Variants in EIF4ENIF1 observed in about 807,000 individuals in gnomAD.
EIF4ENIF1 encodes eukaryotic translation initiation factor 4E nuclear import factor 1, also known as eukaryotic translation initiation factor 4E transporter.
EIF4ENIF1 carries 23 observed loss-of-function variants against 110.5 expected under a neutral mutation model. The ratio of observed to expected loss-of-function variants is 0.21; its 90% CI spans 0.15 to 0.29. The LOEUF (loss-of-function observed/expected upper bound fraction) is 0.29, where lower values mean the gene tolerates loss of function less well. Among genes scored for constraint, EIF4ENIF1 ranks in the 10% least tolerant of loss-of-function variants. The pLI is 1.00. For missense variants in EIF4ENIF1, 1,031 were observed against 1,221.1 expected, an observed-to-expected ratio of 0.84 and a Z score of 2.32; for synonymous variants, 440 against 437.0, an observed-to-expected ratio of 1.01 and a Z score of -0.09.
intron 3 of EIF4ENIF1, among the ~76,000 whole-genome samples, chr22:31,468,596 G>A (rs1440461765): frequency 6.6e-6 from 1 of 152,104 alleles, no homozygotes; most frequent in Admixed American, 6.6e-5. Flanking sequence ...GGTTTCACCA[G>A]TTGGCCAGGC....
chr22:31,447,099 T>C (rs569415088), intron 14 of EIF4ENIF1: 111 of 416,332 alleles, frequency 2.7e-4, no homozygotes, highest in Admixed American at 6.0e-4. Flanking sequence ...TTAAAATATA[T>C]TTACTCATAA....
chr22:31,450,814 A>G (rs562636694), intron 10 of EIF4ENIF1: 2 of 197,292 alleles, frequency 1.0e-5, no homozygotes, highest in African/African-American at 2.4e-5. Flanking sequence ...ACATACATAT[A>G]CACACATACA....
chr22:31,467,212 A>G lies in EIF4ENIF1; in HGVS notation c.298+963T>C, dbSNP rs552262931. Among the ~76,000 whole-genome samples the G allele has an allele frequency of 1.5e-4, 23 of 152,320 alleles. 1 individual carries two copies. The South Asian group carries it at 4.6e-3, about 30-fold the overall frequency. ...TCTGCATATCTTTAATGATTCTGCT[A>G]GAATAAATTCTTTGAGAGACATTAC... is the stretch of plus-strand genomic sequence containing the variant. On this transcript the variant is annotated intron_variant, in intron 4 of 18. Coordinates refer to ENST00000330125, the MANE Select transcript of EIF4ENIF1 (RefSeq NM_019843.4).
chr22:31,457,559 T>C (rs2050868602), intron 7 of EIF4ENIF1, among the ~76,000 whole-genome samples: 1 of 152,212 alleles, frequency 6.6e-6, no homozygotes, highest in Non-Finnish European at 1.5e-5. Context: ...GATGACAGAA[T>C]TAGTGACTGT....
At chr22:31,454,542 T>G in intron 9 of EIF4ENIF1, 166 bp from the exon 10 acceptor site, 1 of 632,176 alleles carries the variant, frequency 1.6e-6, no homozygotes, top group Non-Finnish European at 2.7e-6. Context: ...TAAAATCAAA[T>G]TGTGTACTAA....
chr22:31,449,259 C>T (rs183320908), intron 12 of EIF4ENIF1, 89 bp downstream of exon 12: 5 of 1,405,194 alleles, frequency 3.6e-6, no homozygotes, highest in East Asian at 2.3e-5. Context: ...ATCTGCCCAC[C>T]TCGGCCTCCC....
At chr22:31,468,703 A>G (rs531838732) in intron 3 of EIF4ENIF1, among the ~76,000 whole-genome samples, 2 of 152,270 alleles carry the variant, frequency 1.3e-5, no homozygotes, top group East Asian at 3.9e-4. Context: ...CCAGAAACCC[A>G]TTTCTAAAAT....
chr22:31,488,826 CTT>C (rs2052144853), intron 1 of EIF4ENIF1, 81 bp from the exon 2 acceptor site: 5 of 1,459,148 alleles, frequency 3.4e-6, no homozygotes, highest in Non-Finnish European at 4.5e-6. Context: ...GAAGCTGAAA[CTT>C]TTTAATCTCT....
At chr22:31,448,071 C>T (rs2050530952) in intron 13 of EIF4ENIF1, 82 bp downstream of exon 13, 2 of 1,500,160 alleles carry the variant, frequency 1.3e-6, no homozygotes, top group East Asian at 2.3e-5. Context: ...TTAAGAATCA[C>T]AACAGTTCAG....
rs537965014 is a variant in EIF4ENIF1, at chr22:31,447,370, T to G, written c.1988+56A>C. On this transcript the variant is annotated intron_variant, in intron 14 of 18. Coordinates refer to ENST00000330125, the MANE Select transcript of EIF4ENIF1 (RefSeq NM_019843.4). ...AATTATACTGCAGATAAGTAATTTA[T>G]TAGTTTCAGGAAAACTTATCCGTAA... is the stretch of plus-strand genomic sequence containing the variant. 6.2e-4 allele frequency: 985 copies of G among 1,597,954 alleles called. 6 individuals are homozygous for G. The highest frequency in any genetic ancestry group is 5.4e-3 in the Middle Eastern group (24 of 4,458).
intron 2 of EIF4ENIF1, among the ~76,000 whole-genome samples, chr22:31,472,586 A>C (rs925248292): frequency 9.2e-5 from 14 of 152,244 alleles, no homozygotes; most frequent in African/African-American, 2.9e-4. Flanking sequence ...TTTTTTTTAA[A>C]TGTAATGTTG....
chr22:31,438,354 G>T (rs533995003), downstream of EIF4ENIF1, among the ~76,000 whole-genome samples: 2 of 152,260 alleles, frequency 1.3e-5, no homozygotes, highest in East Asian at 3.9e-4. Context: ...AATAGTTAAG[G>T]TGAATAATAA....
At chr22:31,445,782 G>C (rs935027101) in intron 14 of EIF4ENIF1, among the ~76,000 whole-genome samples, 11 of 152,152 alleles carry the variant, frequency 7.2e-5, no homozygotes, top group Admixed American at 4.6e-4. Context: ...AAGGTAAGGG[G>C]AAAGGCATGT....
rs12485188 is a variant in EIF4ENIF1 at position 31,456,474 on chromosome 22, T to C, written c.964-487A>G. Among the ~76,000 whole-genome samples the C allele has an allele frequency of 9.4e-4, 143 of 152,032 alleles. No individual in the cohort carries two copies. In the Middle Eastern group the frequency reaches 0.014, roughly 15 times the overall value. ...TCCTGACCTTGTGATCCGCCCGCCT[T>C]GGCCTCCCAAAGTGCTGGGATTACA... is the stretch of plus-strand genomic sequence containing the variant. On this transcript the variant is annotated intron_variant, in intron 7 of 18. Transcript: ENST00000330125.
rs1273904542 is a variant in EIF4ENIF1, at chr22:31,482,318, T to C, written c.96+6305A>G. Among the ~76,000 whole-genome samples the C allele has an allele frequency of 3.3e-5, 5 of 152,292 alleles. No homozygotes were observed. In the East Asian group the frequency reaches 9.6e-4, roughly 29 times the overall value. ...CTGTCCAACTGGCAGGTGACAGTCA[T>C]TTAATAAGGAATCAGTGGCAAAACA... On this transcript the variant is annotated intron_variant, in intron 2 of 18. Coordinates refer to ENST00000330125, the MANE Select transcript of EIF4ENIF1 (RefSeq NM_019843.4).
At position 31,444,630 on chromosome 22, in the gene EIF4ENIF1, G is replaced by A. The variant is rs141797212; in HGVS notation, c.2049C>T (p.Ala683=). The A allele has an allele frequency of 6.2e-6, 10 of 1,614,122 alleles. No homozygotes were observed. The highest frequency in any genetic ancestry group is 8.5e-6 in the Non-Finnish European group (10 of 1,179,994). The change falls in exon 15 of 19, where the codon GCC becomes GCT. Residue 683 remains alanine (A), a synonymous_variant. Coordinates refer to ENST00000330125, the MANE Select transcript of EIF4ENIF1 (RefSeq NM_019843.4). The part of the protein sequence containing the change: ...PVHRGNSSSP[A]PAASITSMLS... The stretch of plus-strand genomic sequence containing the variant: ...CCATGCTTGTGATGGAGGCAGCAGG[G>A]GCAGGGGAAGAGGAATTCCCTCGAT...
At position 31,488,611 on chromosome 22, in the gene EIF4ENIF1, G is replaced by A. The variant is rs767938978; in HGVS notation, c.96+12C>T. 3.7e-6 allele frequency: 6 copies of A among 1,614,032 alleles called. No individual in the cohort carries two copies. The South Asian group carries it at 5.5e-5, about 15-fold the overall frequency. On this transcript the variant is annotated intron_variant, in intron 2 of 18. Coordinates refer to ENST00000330125, the MANE Select transcript of EIF4ENIF1 (RefSeq NM_019843.4). ...TAAAAAGAAACACTATTTCATTAGT[G>A]GCAAACCTTACTTTTGTATAGCGAT...
chr22:31,481,407 C>T (rs1297776080), intron 2 of EIF4ENIF1, among the ~76,000 whole-genome samples: 3 of 152,046 alleles, frequency 2.0e-5, no homozygotes, highest in Non-Finnish European at 2.9e-5. Flanking sequence ...ATTCATCCTC[C>T]CACCTTGTCC....
chr22:31,477,974 T>C (rs2051653903), intron 2 of EIF4ENIF1, among the ~76,000 whole-genome samples: 1 of 152,208 alleles, frequency 6.6e-6, no homozygotes, highest in Admixed American at 6.5e-5. Context: ...CAGTGAATGT[T>C]CACACCTTCA....
Sources: gnomAD v4.1 joint callset for allele counts (sites outside exome capture counted in the v4.1 genomes callset) on GRCh38, gnomAD v4.1.1 for gene constraint, MANE v1.5 for transcripts, NCBI Gene and HGNC (gene_info 2026-07-23, HGNC 2026-07-21) for gene names.